Variants in TTC7B observed in about 807,000 individuals in gnomAD.
The protein encoded by TTC7B is tetratricopeptide repeat protein 7B.
TTC7B carries 28 observed loss-of-function variants against 106.8 expected under a neutral mutation model. The ratio of observed to expected loss-of-function variants is 0.26; its 90% CI spans 0.19 to 0.36. The LOEUF is 0.36. TTC7B is among the 10% of genes least tolerant of loss of function. The pLI is 1.00. For missense variants in TTC7B, 862 were observed against 1,076.4 expected (o/e 0.80, Z 2.79); for synonymous variants, 405 against 430.6 (o/e 0.94, Z 0.74).
At chr14:90,727,996 G>GTA (rs1889175508) in intron 5 of TTC7B, among the ~76,000 whole-genome samples, 1 of 152,208 alleles carries the variant, frequency 6.6e-6, no homozygotes, top group South Asian at 2.1e-4. Context: ...CAGGCCCTGC[G>GTA]TAGCCCACTG....
At chr14:90,599,659 C>T (rs1329594710) in intron 17 of TTC7B, among the ~76,000 whole-genome samples, 6 of 152,194 alleles carry the variant, frequency 3.9e-5, no homozygotes, top group Admixed American at 2.0e-4. Context: ...AATGCTGCAG[C>T]GGCAGACACC....
intron 6 of TTC7B, among the ~76,000 whole-genome samples, chr14:90,694,014 T>C (rs922618712): frequency 6.6e-6 from 1 of 152,228 alleles, no homozygotes; most frequent in Non-Finnish European, 1.5e-5. Context: ...AATGGAATAT[T>C]ATTTGGCAAT....
chr14:90,755,430 T>C (rs1890258263), intron 3 of TTC7B, among the ~76,000 whole-genome samples: 1 of 152,174 alleles, frequency 6.6e-6, no homozygotes, highest in African/African-American at 2.4e-5. Flanking sequence ...AGAGGATTAC[T>C]TGGGGCCAGG....
intron 2 of TTC7B, among the ~76,000 whole-genome samples, chr14:90,782,130 T>G (rs901603523): frequency 5.3e-5 from 8 of 152,116 alleles, no homozygotes; most frequent in African/African-American, 1.9e-4. Flanking sequence ...GTGGTCGGCT[T>G]CCAGGCATTT....
rs1889101231 is a variant in TTC7B, at chr14:90,726,333, T to A, written c.698+3742A>T. On this transcript the variant is annotated intron_variant, in intron 5 of 19. Transcript: ENST00000328459. The stretch of plus-strand genomic sequence containing the variant: ...CTATTTTCTCTGAAAGTGATTAGAA[T>A]GTTATCCAAGCCCATGGTTATGCAC... Among the ~76,000 whole-genome samples, 3 of 152,260 alleles carry A rather than the reference T, an allele frequency of 2.0e-5. No homozygotes were observed. In the South Asian group the frequency reaches 6.2e-4, roughly 32 times the overall value.
intron 18 of TTC7B, among the ~76,000 whole-genome samples, chr14:90,581,403 C>T (rs1197486207): frequency 6.6e-6 from 1 of 152,232 alleles, no homozygotes; most frequent in Non-Finnish European, 1.5e-5. Context: ...GAGACAAACA[C>T]CCTCCTAATG....
At chr14:90,806,348 C>A (rs180731880) in intron 1 of TTC7B, among the ~76,000 whole-genome samples, 12 of 152,362 alleles carry the variant, frequency 7.9e-5, no homozygotes, top group African/African-American at 2.6e-4. Context: ...CCAGCCAACA[C>A]CGCGCTGCTT....
intron 19 of TTC7B, among the ~76,000 whole-genome samples, chr14:90,548,718 A>G (rs115140672): frequency 0.016 from 2,506 of 152,250 alleles, 74 homozygotes; most frequent in African/African-American, 0.057. Context: ...AGACCCAGAA[A>G]CTTGATGAGA....
At chr14:90,801,821 CAAGGG>C (rs1325141337) in intron 1 of TTC7B, among the ~76,000 whole-genome samples, 2 of 150,736 alleles carry the variant, frequency 1.3e-5, no homozygotes, top group Non-Finnish European at 2.9e-5. Flanking sequence ...TTTGGGAGGC[CAAGGG>C]GAAGGGGGTG....
chr14:90,602,255 A>T (rs1892454927), intron 17 of TTC7B: 2 of 455,822 alleles, frequency 4.4e-6, no homozygotes, highest in South Asian at 3.1e-5. Context: ...AAAGTGCGGG[A>T]CTTCTCAGAA....
chr14:90,770,166 A>G (rs558670795), intron 3 of TTC7B, among the ~76,000 whole-genome samples: 46 of 152,182 alleles, frequency 3.0e-4, no homozygotes, highest in Non-Finnish European at 6.0e-4. Flanking sequence ...AAGTAAACAA[A>G]TAAGAGACAA....
intron 4 of TTC7B, among the ~76,000 whole-genome samples, chr14:90,734,247 C>T (rs1426391171): frequency 2.0e-5 from 3 of 151,830 alleles, no homozygotes; most frequent in African/African-American, 4.8e-5. Flanking sequence ...GGCAAAACCC[C>T]GTCTCTACTA....
At chr14:90,719,946 C>G (rs950895575) in intron 5 of TTC7B, among the ~76,000 whole-genome samples, 6 of 152,022 alleles carry the variant, frequency 3.9e-5, no homozygotes, top group African/African-American at 1.4e-4. Context: ...GGCCCACATG[C>G]GACCCAGGAT....
chr14:90,575,724 G>A lies in TTC7B; in HGVS notation c.2310+2382C>T, dbSNP rs1891237902. 6.6e-6 allele frequency among the ~76,000 whole-genome samples: 1 copy of A among 152,222 alleles called. No individual in the cohort carries two copies. The highest frequency in any genetic ancestry group is 2.4e-5 in the African/African-American group (1 of 41,448). The stretch of plus-strand genomic sequence containing the variant: ...AGGCGTGCTCAAGCTACCTTCGGGA[G>A]CCACACTGATCAGTCACTGGGCAAA... On this transcript the variant is annotated intron_variant, in intron 19 of 19. Transcript: ENST00000328459. The surrounding 1 kb of genome is among the most constrained non-coding windows in gnomAD (Gnocchi z 5.2).
At chr14:90,664,223 G>A (rs1886320230) in intron 9 of TTC7B, among the ~76,000 whole-genome samples, 1 of 152,030 alleles carries the variant, frequency 6.6e-6, no homozygotes, top group Non-Finnish European at 1.5e-5. Flanking sequence ...TTAATGTTGT[G>A]GGGAGATGGA....
chr14:90,629,930 C>T (rs1249122272), intron 15 of TTC7B, among the ~76,000 whole-genome samples: 1 of 152,142 alleles, frequency 6.6e-6, no homozygotes, highest in Non-Finnish European at 1.5e-5. Context: ...AGGGAACTTC[C>T]CTGGAAAGGA....
chr14:90,630,219 CT>C (rs78388802), intron 15 of TTC7B, among the ~76,000 whole-genome samples: 9,495 of 152,216 alleles, frequency 0.062, 325 homozygotes, highest in Middle Eastern at 0.099. Flanking sequence ...GATTTTGTCC[CT>C]CTTGACAAGC....
At chr14:90,676,777 G>T in intron 8 of TTC7B, 117 bp from the exon 9 acceptor site, 1 of 1,093,972 alleles carries the variant, frequency 9.1e-7, no homozygotes, top group Non-Finnish European at 1.3e-6. Context: ...GACAAGGGTA[G>T]GAATGAGCAG....
chr14:90,607,464 G>A (rs1311794340), intron 17 of TTC7B, among the ~76,000 whole-genome samples: 1 of 152,234 alleles, frequency 6.6e-6, no homozygotes, highest in African/African-American at 2.4e-5. Context: ...CCAGGGCTGG[G>A]TTCTCCCAGG....
Sources: gnomAD v4.1 joint callset for allele counts (sites outside exome capture counted in the v4.1 genomes callset) on GRCh38, gnomAD v4.1.1 for gene constraint, Gnocchi (gnomAD v3.1) non-coding constraint, MANE v1.5 for transcripts, NCBI Gene and HGNC (gene_info 2026-07-23, HGNC 2026-07-21) for gene names.